MTFR1: variants seen among roughly 807,000 people sequenced by gnomAD.
MTFR1 encodes chondrocyte protein with a poly-proline region.
MTFR1 carries 28 observed loss-of-function variants against 38.8 expected under a neutral mutation model. The observed-to-expected ratio is 0.72, with a 90% CI of 0.53 to 0.99. MTFR1 has a LOEUF of 0.99. MTFR1 is among the 50% of genes least tolerant of loss of function. The pLI is 0.00. For missense variants in MTFR1, 358 were observed against 395.5 expected (o/e 0.91, Z 0.81); for synonymous variants, 145 against 137.0 (o/e 1.06, Z -0.41).
intron 4 of MTFR1, among the ~76,000 whole-genome samples, chr8:65,703,418 G>GTTTTTTT: frequency 1.2e-5 from 1 of 84,740 alleles, no homozygotes; most frequent in Non-Finnish European, 2.2e-5. Flanking sequence ...TGATGTCTCT[G>GTTTTTTT]GTTTTTTTTT....
chr8:65,751,865 A>T (rs1807984772), intron 3 of MTFR1, among the ~76,000 whole-genome samples: 1 of 152,180 alleles, frequency 6.6e-6, no homozygotes, highest in African/African-American at 2.4e-5. Context: ...ATGGTAGCAT[A>T]TTTTACAACC....
chr8:65,645,705 C>CCCCCG lies in MTFR1; in HGVS notation c.-81+922_-81+923insCCCGC, dbSNP rs1015727774. On this transcript the variant is annotated intron_variant, in intron 1 of 7. Transcript: ENST00000262146. ...CACGCCCGGCTTTCCCCCCCCCCCC[C>CCCCCG]CTTTGTAGAGATGGGGTCTCCTTAT... Among the ~76,000 whole-genome samples the CCCCCG allele has an allele frequency of 1.2e-4, 14 of 114,392 alleles. No homozygotes were observed. The East Asian group carries it at 1.8e-3, about 15-fold the overall frequency. The allele number at this position is 114,392 out of a possible 152,430, so 75.0% of individuals were successfully genotyped here. A position where few individuals can be genotyped will look rare whatever the true frequency, so the allele number is the denominator to read the frequency against.
chr8:65,754,513 T>C (rs1310904574), intron 3 of MTFR1, among the ~76,000 whole-genome samples: 1 of 151,636 alleles, frequency 6.6e-6, no homozygotes, highest in East Asian at 2.0e-4. Flanking sequence ...AATTTTTGTA[T>C]TTTTAGTAGA....
chr8:65,680,914 T>TTC (rs2129053285), intron 2 of MTFR1, among the ~76,000 whole-genome samples: 1 of 142,696 alleles, frequency 7.0e-6, no homozygotes, highest in Admixed American at 7.0e-5. Flanking sequence ...TTTTTTTTTT[T>TTC]TTTTTTTTTG....
chr8:65,772,689 T>C (rs553511318), downstream of MTFR1, among the ~76,000 whole-genome samples: 2 of 152,304 alleles, frequency 1.3e-5, no homozygotes, highest in African/African-American at 4.8e-5. Context: ...AGCTCAACTT[T>C]ACTGTGCATA....
intron 1 of MTFR1, among the ~76,000 whole-genome samples, chr8:65,650,028 G>A (rs1771160471): frequency 6.6e-6 from 1 of 151,156 alleles, no homozygotes; most frequent in African/African-American, 2.4e-5. Context: ...TAGTAGAGAT[G>A]GGGTTTCACT....
intron 3 of MTFR1, among the ~76,000 whole-genome samples, chr8:65,770,120 TCTG>T (rs1192476718): frequency 8.9e-6 from 1 of 112,584 alleles, no homozygotes; most frequent in Non-Finnish European, 1.7e-5. Flanking sequence ...GCAGTATACT[TCTG>T]TGTGTGTGTG....
At chr8:65,739,350 G>C (rs1210959056) in intron 3 of MTFR1, 4 of 863,794 alleles carry the variant, frequency 4.6e-6, no homozygotes, top group Non-Finnish European at 6.4e-6. Context: ...CCCCACAGAT[G>C]CAAGAGCTAA....
chr8:65,686,485 T>A (rs943627937), intron 3 of MTFR1, among the ~76,000 whole-genome samples: 9 of 147,532 alleles, frequency 6.1e-5, no homozygotes, highest in African/African-American at 1.8e-4. Context: ...GGCAGGAGAA[T>A]CAGCTTGATT....
chr8:65,728,827 T>C (rs1806715685), intron 3 of MTFR1, among the ~76,000 whole-genome samples: 1 of 152,206 alleles, frequency 6.6e-6, no homozygotes, highest in African/African-American at 2.4e-5. Flanking sequence ...AAAATTAATG[T>C]ATGACTGCAC....
chr8:65,751,264 A>G (rs552713150), intron 3 of MTFR1, among the ~76,000 whole-genome samples: 1 of 152,364 alleles, frequency 6.6e-6, no homozygotes, highest in East Asian at 1.9e-4. Context: ...ATAGAGGACC[A>G]GAACTTTCGG....
intron 3 of MTFR1, among the ~76,000 whole-genome samples, chr8:65,740,488 C>T (rs1807368325): frequency 6.6e-6 from 1 of 152,094 alleles, no homozygotes; most frequent in South Asian, 2.1e-4. Context: ...GCAACCTCCA[C>T]CTCCTGAGTT....
At chr8:65,704,373 T>G (rs979080160) in intron 4 of MTFR1, among the ~76,000 whole-genome samples, 5 of 152,194 alleles carry the variant, frequency 3.3e-5, no homozygotes, top group African/African-American at 1.2e-4. Context: ...ATAAAAAGCT[T>G]CTTCTTAGTT....
At chr8:65,644,715 G>A (rs991500199), upstream of MTFR1, 1 of 152,350 alleles carries the variant, frequency 6.6e-6, no homozygotes, top group Admixed American at 6.5e-5. Context: ...CTGATTGGCA[G>A]CAACGCCACG....
At chr8:65,725,155 T>C (rs1806561122) in intron 3 of MTFR1, among the ~76,000 whole-genome samples, 1 of 152,094 alleles carries the variant, frequency 6.6e-6, no homozygotes, top group African/African-American at 2.4e-5. Flanking sequence ...TATGCAAACA[T>C]TCCAAAAGGA....
At chr8:65,714,302 G>A (rs747870628), downstream of MTFR1, 1 of 151,322 alleles carries the variant, frequency 6.6e-6, no homozygotes, top group Non-Finnish European at 1.5e-5. Flanking sequence ...GTAATAAATC[G>A]ATAGCTAAAA....
chr8:65,772,867 G>T (rs973774447), downstream of MTFR1, among the ~76,000 whole-genome samples: 1 of 152,128 alleles, frequency 6.6e-6, no homozygotes. Context: ...AATTAGCCAG[G>T]TGTGGTGGCA....
intron 3 of MTFR1, among the ~76,000 whole-genome samples, chr8:65,760,342 C>T (rs1808430284): frequency 6.6e-6 from 1 of 152,224 alleles, no homozygotes; most frequent in Admixed American, 6.5e-5. Context: ...ATTATCATCA[C>T]TTAATATTTT....
At chr8:65,765,566 C>T (rs1012368328) in intron 3 of MTFR1, 5 of 148,344 alleles carry the variant, frequency 3.4e-5, no homozygotes, top group Admixed American at 6.7e-5. Flanking sequence ...ATGACTGTGT[C>T]CCAAGAGTAA....
Sources: allele counts gnomAD v4.1 joint callset (sites outside exome capture counted in the v4.1 genomes callset), GRCh38; gene constraint gnomAD v4.1.1; transcripts MANE v1.5; gene names NCBI Gene and HGNC (gene_info 2026-07-23, HGNC 2026-07-21).